The following LRP1B variants were observed in gnomAD, a reference collection of about 807,000 sequenced individuals.
LRP1B encodes the protein LDL receptor related protein 1B, also known as low-density lipoprotein receptor-related protein 1B.
A neutral mutation model predicts 556.6 loss-of-function variants in LRP1B; 217 were observed. The ratio of observed to expected loss-of-function variants is 0.39; its 90% CI spans 0.35 to 0.44. LRP1B has a LOEUF of 0.44. LRP1B is among the 20% of genes least tolerant of loss of function. The pLI, the probability that LRP1B is intolerant of heterozygous loss-of-function variation, is 1.00. For synonymous variants in LRP1B, 2,047 were observed against 1,865.8 expected, an observed-to-expected ratio of 1.10 and a Z score of -2.50; for missense variants, 5,053 against 5,620.8, an observed-to-expected ratio of 0.90 and a Z score of 3.23.
intron 1 of LRP1B, among the ~76,000 whole-genome samples, chr2:142,125,414 G>C (rs892483543): frequency 6.6e-6 from 1 of 151,704 alleles, no homozygotes; most frequent in African/African-American, 2.4e-5. Flanking sequence ...ACTATTGCAA[G>C]TATAATACTT....
intron 1 of LRP1B, among the ~76,000 whole-genome samples, chr2:142,063,042 A>G (rs1051532418): frequency 3.6e-5 from 5 of 139,758 alleles, no homozygotes; most frequent in African/African-American, 1.3e-4. Flanking sequence ...TAAAAGATGG[A>G]AGCATTACCT....
intron 66 of LRP1B, among the ~76,000 whole-genome samples, chr2:140,399,164 T>TACACACAC (rs67690255): frequency 1.5e-4 from 18 of 122,462 alleles, no homozygotes; most frequent in African/African-American, 5.3e-4. Flanking sequence ...AAGACCAAGA[T>TACACACAC]ACACACACAC....
Position 140,358,864 on chromosome 2 carries a change from C to A in LRP1B, c.11214G>T (p.Gly3738=), listed in dbSNP as rs753432554. The change falls in exon 73 of 91, where the codon GGG becomes GGT. Residue 3738 remains glycine (G), a synonymous_variant. Transcript: ENST00000389484. The part of the protein sequence containing the change: ...ICLQSEQMCN[G]IDECGDNSDE... ...CTGAATTGTCACCGCATTCATCAAT[C>A]CCATTGCACATTTGCTCCGACTGTA... The A allele has an allele frequency of 2.5e-6, 4 of 1,609,350 alleles. No homozygotes were observed. The highest frequency in any genetic ancestry group is 3.4e-6 in the Non-Finnish European group (4 of 1,176,474).
chr2:140,849,200 CAAAAAAAAA>C (rs70988447), intron 29 of LRP1B, among the ~76,000 whole-genome samples: 303 of 100,498 alleles, frequency 3.0e-3, no homozygotes, highest in Middle Eastern at 0.016. Context: ...ACTAAAAATA[CAAAAAAAAA>C]AAAAAAAAAA....
intron 45 of LRP1B, among the ~76,000 whole-genome samples, chr2:140,537,002 T>C (rs1180689862): frequency 1.3e-5 from 2 of 149,666 alleles, no homozygotes; most frequent in African/African-American, 4.9e-5. Context: ...TGAAACCCCG[T>C]CTACTAAAAA....
chr2:141,652,168 GC>G (rs1689818395), intron 2 of LRP1B, among the ~76,000 whole-genome samples: 1 of 152,112 alleles, frequency 6.6e-6, no homozygotes, highest in South Asian at 2.1e-4. Context: ...ACATTATAAA[GC>G]TTTTGACTAC....
In LRP1B at chr2:140,467,940, G is replaced by T. The variant is rs138696735; in HGVS notation, c.9625+7198C>A. Among the ~76,000 whole-genome samples, 330 of 152,344 alleles carry T rather than the reference G, an allele frequency of 2.2e-3. 1 individual carries two copies. The highest frequency in any genetic ancestry group is 7.7e-3 in the African/African-American group (321 of 41,582). ...GGAAAATCGTCAGCCTGGCCATCTT[G>T]TTAAGAATGAACAAACATTTGAGAG... On this transcript the variant is annotated intron_variant, in intron 60 of 90. Transcript: ENST00000389484.
At chr2:141,545,240 T>C (rs1221631059) in intron 2 of LRP1B, among the ~76,000 whole-genome samples, 1 of 152,180 alleles carries the variant, frequency 6.6e-6, no homozygotes, top group African/African-American at 2.4e-5. Flanking sequence ...CCATCTCATA[T>C]ATTTACTCAT....
chr2:141,733,926 G>A (rs981197609), intron 2 of LRP1B, among the ~76,000 whole-genome samples: 5 of 151,946 alleles, frequency 3.3e-5, no homozygotes, highest in Non-Finnish European at 7.4e-5. Flanking sequence ...ATGTTTAATT[G>A]CACTTATTAC....
intron 45 of LRP1B, among the ~76,000 whole-genome samples, chr2:140,537,409 C>A (rs13004900): frequency 6.6e-6 from 1 of 151,630 alleles, no homozygotes; most frequent in Non-Finnish European, 1.5e-5. Context: ...ATGAACAATC[C>A]GGACTTTTCC....
At chr2:141,228,865 C>T (rs1182555598) in intron 6 of LRP1B, among the ~76,000 whole-genome samples, 3 of 151,298 alleles carry the variant, frequency 2.0e-5, no homozygotes, top group African/African-American at 7.3e-5. Flanking sequence ...TTTTTAAATC[C>T]CACCTTCACT....
intron 3 of LRP1B, among the ~76,000 whole-genome samples, chr2:141,329,751 G>A (rs1026136292): frequency 3.9e-5 from 6 of 152,016 alleles, no homozygotes; most frequent in Admixed American, 3.3e-4. Context: ...ATCATGAATC[G>A]GGATGGAGAA....
chr2:141,757,743 C>T (rs1307866519), intron 2 of LRP1B, among the ~76,000 whole-genome samples: 1 of 151,904 alleles, frequency 6.6e-6, no homozygotes, highest in Non-Finnish European at 1.5e-5. Flanking sequence ...CACTACATTG[C>T]CCAGGCTGAT....
intron 3 of LRP1B, among the ~76,000 whole-genome samples, chr2:141,453,977 A>T (rs1681530955): frequency 6.6e-6 from 1 of 152,086 alleles, no homozygotes; most frequent in Admixed American, 6.6e-5. Flanking sequence ...CTATCACCTC[A>T]TCCATTATCT....
At chr2:140,508,654 A>G (rs1689520134) in intron 52 of LRP1B, among the ~76,000 whole-genome samples, 1 of 152,180 alleles carries the variant, frequency 6.6e-6, no homozygotes, top group Non-Finnish European at 1.5e-5. Flanking sequence ...AGCTTGGATA[A>G]CTCAGGTGAA....
At chr2:140,277,251 A>AT (rs1274316168) in intron 84 of LRP1B, among the ~76,000 whole-genome samples, 2 of 151,990 alleles carry the variant, frequency 1.3e-5, no homozygotes, top group African/African-American at 4.8e-5. Flanking sequence ...CAGTATGCTA[A>AT]TTATAAGTAA....
At position 140,850,186 on chromosome 2, in the gene LRP1B, G is replaced by C. The variant is rs760556842; in HGVS notation, c.4855C>G (p.Arg1619Gly). 1 of 1,613,520 alleles carries C rather than the reference G, an allele frequency of 6.2e-7. No homozygotes were observed. Among genetic ancestry groups the C allele is most frequent in the Non-Finnish European group, 8.5e-7 (1 of 1,179,600 alleles). ...GTTTTAATATCTGTCCAGTATAAAC[G>C]TTCCTCAGATGCATCGAAGTCTATC... ...TVIDFDASEE[R>G]LYWTDIKTQT... Residue 1619 changes from arginine (R) to glycine (G), a missense_variant, in exon 29 of 91, where the codon CGT becomes GGT. By Grantham distance (125) the Arg-to-Gly change is moderately radical. Coordinates refer to ENST00000389484, the MANE Select transcript of LRP1B (RefSeq NM_018557.3).
chr2:141,551,849 A>G (rs879452318), intron 2 of LRP1B, among the ~76,000 whole-genome samples: 2 of 152,032 alleles, frequency 1.3e-5, no homozygotes, highest in Non-Finnish European at 2.9e-5. Context: ...ATTATTTTCC[A>G]CAGCCAATTT....
intron 3 of LRP1B, among the ~76,000 whole-genome samples, chr2:141,426,774 A>G (rs1680380351): frequency 6.6e-6 from 1 of 152,212 alleles, no homozygotes; most frequent in African/African-American, 2.4e-5. Context: ...AGTGGATCAG[A>G]AAGAGTGAGG....
Sources: allele counts gnomAD v4.1 joint callset (sites outside exome capture counted in the v4.1 genomes callset), GRCh38; gene constraint gnomAD v4.1.1; transcripts MANE v1.5; gene names NCBI Gene and HGNC (gene_info 2026-07-23, HGNC 2026-07-21).